The following PIAS1 variants were observed in gnomAD, a reference collection of about 807,000 sequenced individuals.
PIAS1 encodes protein inhibitor of activated STAT 1.
In PIAS1, 6 loss-of-function variants were observed where a neutral mutation model predicts 71.3. That is an observed-to-expected ratio of 0.08 (90% CI 0.05 to 0.17). PIAS1 has a LOEUF of 0.17. Ranked by LOEUF, PIAS1 falls within the 10% of genes least tolerant of loss-of-function variation. The probability of loss-of-function intolerance (pLI) is 1.00; values close to 1 mark genes in which losing one functional copy is unlikely to be tolerated. For synonymous variants in PIAS1, 303 were observed against 292.9 expected (o/e 1.03, Z -0.35); for missense variants, 555 against 793.6 (o/e 0.70, Z 3.61).
chr15:68,166,417 G>C (rs1486068609), intron 8 of PIAS1, among the ~76,000 whole-genome samples: 2 of 151,422 alleles, frequency 1.3e-5, no homozygotes, highest in African/African-American at 4.9e-5. Flanking sequence ...GTGAGAAAAA[G>C]ACAAATTTTT....
intron 2 of PIAS1, among the ~76,000 whole-genome samples, chr15:68,120,538 T>G (rs1013419674): frequency 6.6e-6 from 1 of 152,208 alleles, no homozygotes; most frequent in African/African-American, 2.4e-5. Context: ...GTATACGTCT[T>G]TAATTCGTCA....
At chr15:68,115,556 A>G (rs1874968080) in intron 2 of PIAS1, among the ~76,000 whole-genome samples, 1 of 152,266 alleles carries the variant, frequency 6.6e-6, no homozygotes, top group Middle Eastern at 3.4e-3. Flanking sequence ...TTGTGCTGGC[A>G]AGAACCTTCA....
intron 1 of PIAS1, among the ~76,000 whole-genome samples, chr15:68,071,132 T>A (rs941376918): frequency 1.3e-5 from 2 of 152,100 alleles, no homozygotes; most frequent in African/African-American, 4.8e-5. Flanking sequence ...TTGAGGCTTA[T>A]TTTCATTGAG....
chr15:68,062,157 A>G (rs1350769995), intron 1 of PIAS1, among the ~76,000 whole-genome samples: 1 of 152,174 alleles, frequency 6.6e-6, no homozygotes, highest in East Asian at 1.9e-4. Flanking sequence ...AATCCAGAAT[A>G]ATTTATCAAG....
chr15:68,161,267 A>T (rs1039979898), intron 7 of PIAS1, among the ~76,000 whole-genome samples: 1 of 152,244 alleles, frequency 6.6e-6, no homozygotes, highest in African/African-American at 2.4e-5. Context: ...GTATGCCGAA[A>T]ACTACAAAGC....
intron 2 of PIAS1, among the ~76,000 whole-genome samples, chr15:68,118,764 C>T (rs78674282): frequency 0.021 from 3,223 of 152,026 alleles, 61 homozygotes; most frequent in Non-Finnish European, 0.033. Flanking sequence ...ATCTGCTAGC[C>T]GTATGTATGT....
chr15:68,108,529 A>G (rs144218982), intron 2 of PIAS1, among the ~76,000 whole-genome samples: 117 of 152,264 alleles, frequency 7.7e-4, no homozygotes, highest in African/African-American at 2.6e-3. Context: ...GGCCTTAAAT[A>G]GTAATTAAAC....
intron 1 of PIAS1, among the ~76,000 whole-genome samples, chr15:68,080,727 T>C (rs2092221278): frequency 6.6e-6 from 1 of 152,246 alleles, no homozygotes; most frequent in Non-Finnish European, 1.5e-5. Context: ...AATTTGTGAT[T>C]ATGCATTTGC....
chr15:68,119,237 C>CAAAAAAAAAAAAAAAAAAAAAAA lies in PIAS1; in HGVS notation c.470-22704_470-22682dup, dbSNP rs60879036. Among the ~76,000 whole-genome samples, 2 of 27,410 alleles carry CAAAAAAAAAAAAAAAAAAAAAAA rather than the reference C, an allele frequency of 7.3e-5. 1 individual carries two copies. The highest frequency in any genetic ancestry group is 2.9e-4 in the African/African-American group (2 of 6,906). 18.0% of individuals were successfully genotyped at this position (27,410 alleles called of 152,430 possible). On this transcript the variant is annotated intron_variant, in intron 2 of 13. Transcript: ENST00000249636. ...CAACATGGTGAAACCCCATCTCTACCAAAAAAAAAAAAAAAAAAAAAAAAA... is the reference window on the plus strand; with the variant it reads ...CAACATGGTGAAACCCCATCTCTACCAAAAAAAAAAAAAAAAAAAAAAAAAAAAAAAAAAAAAAAAAAAAAAAA...
intron 2 of PIAS1, among the ~76,000 whole-genome samples, chr15:68,094,969 C>T (rs747906136): frequency 1.3e-5 from 2 of 152,026 alleles, no homozygotes; most frequent in Non-Finnish European, 2.9e-5. Flanking sequence ...CCAGAATTCC[C>T]CAAGGCATCC....
At chr15:68,076,156 C>T (rs941485540) in intron 1 of PIAS1, among the ~76,000 whole-genome samples, 7 of 152,068 alleles carry the variant, frequency 4.6e-5, no homozygotes, top group Non-Finnish European at 8.8e-5. Flanking sequence ...TAAATCAGGA[C>T]TGAAATATGA....
chr15:68,055,842 GA>G (rs1456906578), intron 1 of PIAS1: 7 of 691,512 alleles, frequency 1.0e-5, no homozygotes, highest in African/African-American at 1.8e-5. Flanking sequence ...TTTTCCTGTG[GA>G]ATATCCTCAC....
At chr15:68,156,540 C>T (rs2092890588) in intron 7 of PIAS1, among the ~76,000 whole-genome samples, 1 of 151,778 alleles carries the variant, frequency 6.6e-6, no homozygotes, top group Non-Finnish European at 1.5e-5. Flanking sequence ...AACCCTGTCT[C>T]TACTAAAAAT....
intron 2 of PIAS1, among the ~76,000 whole-genome samples, chr15:68,127,216 G>A (rs527770717): frequency 2.6e-5 from 4 of 152,200 alleles, no homozygotes; most frequent in East Asian, 3.9e-4. Context: ...GAGCCACCGC[G>A]CCTGGTCATT....
chr15:68,086,643 A>G lies in PIAS1; in HGVS notation c.362A>G (p.Glu121Gly), dbSNP rs760361318. Residue 121 changes from glutamate to glycine, a missense_variant, in exon 2 of 14, where the codon GAA (glutamate) becomes GGA (glycine). By Grantham distance (98) the Glu-to-Gly change is moderately conservative (BLOSUM62 -2). Coordinates refer to ENST00000249636, the MANE Select transcript of PIAS1 (RefSeq NM_016166.3). This position sits in a 1 kb window ranked among gnomAD's most constrained non-coding sequence, Gnocchi z 7.2. Reference protein sequence around the residue: ...VSLLGPKHELELPHLTSALHP... With the variant: ...VSLLGPKHELGLPHLTSALHP... Reference sequence around the variant, plus strand: ...CTTCTGGGACCTAAACATGAACTGGAACTCCCACATCTTACATCAGCTCTT... The same window carrying G: ...CTTCTGGGACCTAAACATGAACTGGGACTCCCACATCTTACATCAGCTCTT... 4 of 1,613,184 alleles carry G rather than the reference A, an allele frequency of 2.5e-6. No homozygotes were observed. The South Asian group carries it at 3.3e-5, about 13-fold the overall frequency.
At chr15:68,068,368 T>C (rs28375126) in intron 1 of PIAS1, among the ~76,000 whole-genome samples, 151,046 of 152,306 alleles carry the variant, frequency 0.99, 74,909 homozygotes, top group Middle Eastern at 1. Flanking sequence ...GGCCAATATA[T>C]GTGCTCATAG....
chr15:68,155,449 T>TAA (rs71937461), intron 7 of PIAS1, among the ~76,000 whole-genome samples: 6,202 of 102,784 alleles, frequency 0.06, 626 homozygotes, highest in African/African-American at 0.22. Context: ...ATGCTGCCTG[T>TAA]AAAAAAAAAA....
intron 7 of PIAS1, among the ~76,000 whole-genome samples, chr15:68,160,856 A>G (rs192303668): frequency 7.8e-4 from 119 of 152,306 alleles, no homozygotes; most frequent in African/African-American, 2.8e-3. Context: ...TATCATCACT[A>G]ATGGTCTAAA....
chr15:68,108,872 A>G (rs2092497059), intron 2 of PIAS1, among the ~76,000 whole-genome samples: 1 of 152,144 alleles, frequency 6.6e-6, no homozygotes, highest in Non-Finnish European at 1.5e-5. Context: ...TACTGCTACT[A>G]TGCTTATCTG....
Sources: allele counts gnomAD v4.1 joint callset (sites outside exome capture counted in the v4.1 genomes callset), GRCh38; gene constraint gnomAD v4.1.1; non-coding constraint Gnocchi (gnomAD v3.1); transcripts MANE v1.5; gene names NCBI Gene and HGNC (gene_info 2026-07-23, HGNC 2026-07-21).